Variants in KCNIP4 observed in about 807,000 individuals in gnomAD.
The protein encoded by KCNIP4 is potassium voltage-gated channel interacting protein 4, also known as Kv channel-interacting protein 4.
KCNIP4 carries 12 observed loss-of-function variants against 34.0 expected under a neutral mutation model. The observed-to-expected ratio is 0.35, with a 90% CI of 0.23 to 0.57. The LOEUF is 0.57. KCNIP4 is among the 20% of genes least tolerant of loss of function. The probability of loss-of-function intolerance (pLI) is 0.83; values close to 1 mark genes in which losing one functional copy is unlikely to be tolerated. For missense variants in KCNIP4, 238 were observed against 311.7 expected (o/e 0.76, Z 1.78); for synonymous variants, 124 against 102.2 (o/e 1.21, Z -1.29).
intron 1 of KCNIP4, among the ~76,000 whole-genome samples, chr4:21,706,580 T>A (rs928189459): frequency 3.3e-5 from 5 of 152,184 alleles, no homozygotes; most frequent in African/African-American, 1.2e-4. Flanking sequence ...TTAAATGCAC[T>A]TAGATGATCC....
At chr4:20,999,364 C>A (rs990596861) in intron 1 of KCNIP4, among the ~76,000 whole-genome samples, 19 of 148,964 alleles carry the variant, frequency 1.3e-4, no homozygotes, top group African/African-American at 4.5e-4. Context: ...GGACACAGAT[C>A]ACGAAGGGTC....
At chr4:21,575,070 G>A (rs1009992855) in intron 1 of KCNIP4, among the ~76,000 whole-genome samples, 1 of 152,162 alleles carries the variant, frequency 6.6e-6, no homozygotes, top group African/African-American at 2.4e-5. Flanking sequence ...GAATCTCACT[G>A]ATCCTTTGTA....
At chr4:21,419,573 G>T (rs1033941871) in intron 1 of KCNIP4, among the ~76,000 whole-genome samples, 1 of 151,940 alleles carries the variant, frequency 6.6e-6, no homozygotes, top group African/African-American at 2.4e-5. Flanking sequence ...AAATTATGTA[G>T]GTACAGTACT....
At chr4:20,733,175 A>C (rs577646165) in intron 6 of KCNIP4, among the ~76,000 whole-genome samples, 2 of 152,312 alleles carry the variant, frequency 1.3e-5, no homozygotes, top group South Asian at 4.1e-4. Flanking sequence ...AATATACGGC[A>C]CATCGTATAT....
intron 1 of KCNIP4, among the ~76,000 whole-genome samples, chr4:21,048,944 C>CTTTTTTTTTTT (rs949548104): frequency 2.5e-4 from 24 of 96,036 alleles, no homozygotes; most frequent in Non-Finnish European, 3.4e-4. Flanking sequence ...TTCTGTTTAT[C>CTTTTTTTTTTT]TTTTTTTTTT....
At chr4:21,057,431 A>C (rs1035496394) in intron 1 of KCNIP4, among the ~76,000 whole-genome samples, 1 of 152,106 alleles carries the variant, frequency 6.6e-6, no homozygotes, top group African/African-American at 2.4e-5. Flanking sequence ...GTTAGCCTAA[A>C]ATGTAGCTGT....
At chr4:20,889,123 C>G (rs754869960) in intron 1 of KCNIP4, among the ~76,000 whole-genome samples, 4 of 151,984 alleles carry the variant, frequency 2.6e-5, no homozygotes, top group Non-Finnish European at 5.9e-5. Context: ...TTAGAGATAT[C>G]TGGGTTTTTT....
intron 1 of KCNIP4, among the ~76,000 whole-genome samples, chr4:21,773,562 T>C (rs768298782): frequency 7.9e-5 from 12 of 152,166 alleles, no homozygotes; most frequent in African/African-American, 1.2e-4. Flanking sequence ...AGTCTCTTTA[T>C]AGTCTCTAAG....
intron 1 of KCNIP4, among the ~76,000 whole-genome samples, chr4:21,868,472 C>A (rs1725563058): frequency 6.6e-6 from 1 of 152,164 alleles, no homozygotes; most frequent in Non-Finnish European, 1.5e-5. Flanking sequence ...CTGATCGCTG[C>A]TATGACACCG....
chr4:21,491,708 A>C (rs1052570231), intron 1 of KCNIP4, among the ~76,000 whole-genome samples: 2 of 152,202 alleles, frequency 1.3e-5, no homozygotes, highest in African/African-American at 4.8e-5. Flanking sequence ...TATGCTTACC[A>C]GAAACACTTT....
chr4:21,690,383 T>C (rs919636543), intron 1 of KCNIP4, among the ~76,000 whole-genome samples: 9 of 152,066 alleles, frequency 5.9e-5, no homozygotes, highest in Non-Finnish European at 8.8e-5. Context: ...GATCCCAGTG[T>C]TGGAGGTGGT....
At chr4:21,714,777 TTCCCTTTGA>T (rs1196767900) in intron 1 of KCNIP4, among the ~76,000 whole-genome samples, 1 of 63,552 alleles carries the variant, frequency 1.6e-5, no homozygotes, top group African/African-American at 9.0e-5. Context: ...TGTTAGTAAT[TTCCCTTTGA>T]TTATTTTATT....
intron 2 of KCNIP4, among the ~76,000 whole-genome samples, chr4:20,855,908 A>C (rs2149489246): frequency 6.6e-6 from 1 of 152,306 alleles, no homozygotes; most frequent in South Asian, 2.1e-4. Context: ...GACAAGGATA[A>C]AATTGATGGG....
chr4:21,489,837 A>G (rs1732228944), intron 1 of KCNIP4, among the ~76,000 whole-genome samples: 1 of 152,134 alleles, frequency 6.6e-6, no homozygotes, highest in African/African-American at 2.4e-5. Context: ...GAGCTTATAT[A>G]AACACTGAGA....
chr4:21,060,464 G>C (rs1022091740), intron 1 of KCNIP4, among the ~76,000 whole-genome samples: 4 of 152,098 alleles, frequency 2.6e-5, no homozygotes, highest in Non-Finnish European at 4.4e-5. Flanking sequence ...AGACATAGAA[G>C]GCCATTGCAT....
intron 4 of KCNIP4, among the ~76,000 whole-genome samples, chr4:20,756,172 TAAA>T (rs61417409): frequency 2.9e-5 from 4 of 139,262 alleles, no homozygotes; most frequent in African/African-American, 5.3e-5. Context: ...TGGAAAGTAG[TAAA>T]AAAAAAAAAA....
At chr4:21,924,403 C>G (rs1275424426) in intron 1 of KCNIP4, among the ~76,000 whole-genome samples, 1 of 151,934 alleles carries the variant, frequency 6.6e-6, no homozygotes, top group Non-Finnish European at 1.5e-5. Context: ...ACCACCACAC[C>G]TGGCTAATTT....
chr4:21,594,793 CAT>C (rs1223880097), intron 1 of KCNIP4, among the ~76,000 whole-genome samples: 1 of 133,296 alleles, frequency 7.5e-6, no homozygotes, highest in Non-Finnish European at 1.6e-5. Context: ...TTTCTTAATC[CAT>C]GTGTTAAATG....
chr4:21,290,666 G>T (rs1179317449), intron 1 of KCNIP4, among the ~76,000 whole-genome samples: 2 of 152,168 alleles, frequency 1.3e-5, no homozygotes, highest in African/African-American at 4.8e-5. Context: ...CAAGGCTCTT[G>T]CCCGAGCTGA....
Sources: allele counts gnomAD v4.1 joint callset (sites outside exome capture counted in the v4.1 genomes callset), GRCh38; gene constraint gnomAD v4.1.1; transcripts MANE v1.5; gene names NCBI Gene and HGNC (gene_info 2026-07-23, HGNC 2026-07-21).